NAV3: variants seen among roughly 807,000 people sequenced by gnomAD.
The protein encoded by NAV3 is pore membrane and/or filament interacting like protein 1.
In NAV3, 87 loss-of-function variants were observed where a neutral mutation model predicts 244.7. That is an observed-to-expected ratio of 0.36 (90% confidence interval 0.30 to 0.42). The LOEUF (loss-of-function observed/expected upper bound fraction) is 0.42. Ranked by LOEUF, NAV3 falls within the 20% of genes least tolerant of loss-of-function variation. The probability of loss-of-function intolerance (pLI) is 1.00; values close to 1 mark genes in which losing one functional copy is unlikely to be tolerated. For synonymous variants in NAV3, 1,126 were observed against 1,042.2 expected, an observed-to-expected ratio of 1.08 and a Z score of -1.55; for missense variants, 2,663 against 2,893.3, an observed-to-expected ratio of 0.92 and a Z score of 1.83.
chr12:77,912,320 G>C (rs1328393956), intron 1 of NAV3, among the ~76,000 whole-genome samples: 1 of 152,078 alleles, frequency 6.6e-6, no homozygotes, highest in Non-Finnish European at 1.5e-5. Context: ...TATTGAGGCA[G>C]AGAATGAAGC....
At chr12:77,923,325 T>A (rs1481523549) in intron 1 of NAV3, among the ~76,000 whole-genome samples, 1 of 152,106 alleles carries the variant, frequency 6.6e-6, no homozygotes, top group Non-Finnish European at 1.5e-5. Flanking sequence ...CTTATGTTTT[T>A]AAATATATTT....
chr12:77,760,412 C>T (rs1022223381), intron 2 of NAV3, among the ~76,000 whole-genome samples: 1 of 152,124 alleles, frequency 6.6e-6, no homozygotes, highest in East Asian at 1.9e-4. Context: ...ATGTGAATTT[C>T]GAAGGAGAAC....
intron 18 of NAV3, chr12:78,130,820 A>G: frequency 5.6e-6 from 1 of 178,898 alleles, no homozygotes; most frequent in Non-Finnish European, 1.2e-5. Context: ...TTTGCTTTGA[A>G]ACTCATTGGT....
chr12:77,991,342 G>C (rs887236059), intron 5 of NAV3, among the ~76,000 whole-genome samples: 1 of 151,948 alleles, frequency 6.6e-6, no homozygotes, highest in Non-Finnish European at 1.5e-5. Context: ...TTTTTTAAGA[G>C]ACAAGAGTAG....
intron 11 of NAV3, among the ~76,000 whole-genome samples, chr12:78,055,777 T>C (rs779978697): frequency 4.6e-5 from 7 of 152,182 alleles, no homozygotes; most frequent in Admixed American, 6.5e-5. Context: ...AACAGCTGCA[T>C]GACCACATCT....
rs1475087828 is a variant in NAV3 at position 78,117,176 on chromosome 12, T to TATATATATAG, written c.2769+281_2769+282insGATATATATA. Among the ~76,000 whole-genome samples the TATATATATAG allele has an allele frequency of 1.8e-4, 25 of 135,188 alleles. 1 individual carries two copies. Among genetic ancestry groups the TATATATATAG allele is most frequent in the Non-Finnish European group, 3.8e-4 (24 of 63,678 alleles). 88.7% of individuals were successfully genotyped at this position (135,188 alleles called of 152,430 possible). Reference sequence around the variant, plus strand: ...GAAGCAGCATATATATATATATATATATATATATATATATATATATGATAT... The same window carrying TATATATATAG: ...GAAGCAGCATATATATATATATATATATATATATAGATATATATATATATATATATGATAT... On this transcript the variant is annotated intron_variant, in intron 13 of 39. Coordinates refer to ENST00000397909, the MANE Select transcript of NAV3 (RefSeq NM_001024383.2).
At chr12:77,754,114 C>T (rs1001173534) in intron 2 of NAV3, among the ~76,000 whole-genome samples, 6 of 152,036 alleles carry the variant, frequency 3.9e-5, no homozygotes, top group African/African-American at 9.7e-5. Flanking sequence ...ATAGCCTCTC[C>T]AAAGAAATCA....
At chr12:77,719,191 TG>T (rs1306064991) in intron 2 of NAV3, among the ~76,000 whole-genome samples, 1 of 152,200 alleles carries the variant, frequency 6.6e-6, no homozygotes, top group African/African-American at 2.4e-5. Context: ...TTACTAAATT[TG>T]TTTTTTCTAA....
chr12:77,850,772 A>G (rs2136242054), intron 1 of NAV3, among the ~76,000 whole-genome samples: 1 of 150,254 alleles, frequency 6.7e-6, no homozygotes, highest in African/African-American at 2.4e-5. Flanking sequence ...GTAATGGCAG[A>G]TGAAGGGAGA....
chr12:77,829,777 G>T (rs536616109), upstream of NAV3, among the ~76,000 whole-genome samples: 19 of 152,050 alleles, frequency 1.2e-4, no homozygotes, highest in Non-Finnish European at 2.1e-4. Context: ...TTAGTTATTG[G>T]CTCTTTCATC....
intron 2 of NAV3, among the ~76,000 whole-genome samples, chr12:77,668,767 T>C (rs764102566): frequency 4.6e-5 from 7 of 152,150 alleles, no homozygotes; most frequent in Non-Finnish European, 1.0e-4. Context: ...TTGCTAGAGA[T>C]CTAGATGTCC....
intron 2 of NAV3, among the ~76,000 whole-genome samples, chr12:77,817,968 GCTA>G (rs1377260106): frequency 6.6e-6 from 1 of 152,086 alleles, no homozygotes; most frequent in Non-Finnish European, 1.5e-5. Context: ...GTTACTTTGT[GCTA>G]TTGAGATAGT....
At chr12:77,849,681 GA>G (rs1359622337) in intron 1 of NAV3, among the ~76,000 whole-genome samples, 3 of 152,234 alleles carry the variant, frequency 2.0e-5, no homozygotes, top group Admixed American at 2.0e-4. Flanking sequence ...AATCTGAAAA[GA>G]AAACTCAAAA....
At chr12:77,962,124 A>T (rs1803451888) in intron 3 of NAV3, among the ~76,000 whole-genome samples, 1 of 151,020 alleles carries the variant, frequency 6.6e-6, no homozygotes, top group South Asian at 2.1e-4. Context: ...TTTTCCTCAT[A>T]CTTCCCGGTG....
chr12:77,638,780 A>G (rs1872267754), intron 2 of NAV3, among the ~76,000 whole-genome samples: 1 of 152,182 alleles, frequency 6.6e-6, no homozygotes, highest in South Asian at 2.1e-4. Context: ...ATTGTCTGCC[A>G]TGGCCAGGTC....
chr12:77,637,649 T>C (rs1248894119), intron 2 of NAV3, among the ~76,000 whole-genome samples: 2 of 152,190 alleles, frequency 1.3e-5, no homozygotes, highest in African/African-American at 2.4e-5. Context: ...CCTATTTAAA[T>C]AGCTAGCAAG....
intron 2 of NAV3, among the ~76,000 whole-genome samples, chr12:77,792,597 A>G (rs1211125912): frequency 6.6e-6 from 1 of 152,200 alleles, no homozygotes; most frequent in African/African-American, 2.4e-5. Context: ...TGTTTCTGGA[A>G]GACACAGGAT....
chr12:77,663,590 C>T (rs1285696153), intron 2 of NAV3, among the ~76,000 whole-genome samples: 5 of 150,012 alleles, frequency 3.3e-5, no homozygotes, highest in African/African-American at 7.4e-5. Flanking sequence ...GGCGCGATCT[C>T]GGCTCACTGC....
chr12:78,188,595 G>A lies in NAV3; in HGVS notation c.5887-14G>A, dbSNP rs779325116. ...CCTCTGTTTTGATTTTATTTTTTGT[G>A]TGTACCATTGTAGGAATATGTATTC... On this transcript the variant is annotated splice_polypyrimidine_tract_variant and intron_variant, in intron 32 of 39. Transcript: ENST00000397909. The A allele has an allele frequency of 1.5e-5, 24 of 1,605,266 alleles. No homozygotes were observed. The East Asian group carries it at 4.9e-4, about 33-fold the overall frequency.
Sources: gnomAD v4.1 joint callset for allele counts (sites outside exome capture counted in the v4.1 genomes callset) on GRCh38, gnomAD v4.1.1 for gene constraint, MANE v1.5 for transcripts, NCBI Gene and HGNC (gene_info 2026-07-23, HGNC 2026-07-21) for gene names.